The following COL24A1 variants were observed in gnomAD, a reference collection of about 807,000 sequenced individuals.
The protein encoded by COL24A1 is collagen alpha-1(XXIV) chain.
Under a neutral mutation model 253.9 loss-of-function variants are expected in COL24A1, and 224 were observed. The observed-to-expected ratio is 0.88, with a 90% CI of 0.79 to 0.99. The LOEUF is 0.99. Ranked by LOEUF, COL24A1 falls within the 50% of genes least tolerant of loss-of-function variation. The pLI is 0.00. For missense variants in COL24A1, 2,131 were observed against 2,068.5 expected (o/e 1.03, Z -0.59); for synonymous variants, 685 against 673.7 (o/e 1.02, Z -0.26).
rs187786687 is a variant in COL24A1 at position 86,066,275 on chromosome 1, A to G, written c.1708-2516T>C. ...TTTTTTTGAGGCAGAGTCTCGCTCT[A>G]TCCCTCAGGCTGGAGTGCAGTGGCA... On this transcript the variant is annotated intron_variant, in intron 7 of 59. Transcript: ENST00000370571. 7.0e-4 allele frequency among the ~76,000 whole-genome samples: 83 copies of G among 118,118 alleles called. 1 individual carries two copies. In the East Asian group the frequency reaches 7.6e-3, roughly 11 times the overall value. 77.5% of individuals were successfully genotyped at this position (118,118 alleles called of 152,430 possible). A position where few individuals can be genotyped will look rare whatever the true frequency, so the allele number is the denominator to read the frequency against.
At chr1:86,012,518 G>A (rs1423583551) in intron 19 of COL24A1, among the ~76,000 whole-genome samples, 11 of 152,322 alleles carry the variant, frequency 7.2e-5, no homozygotes, top group Admixed American at 1.3e-4. Context: ...GAACCCAGGA[G>A]GCGGAGGTTG....
intron 20 of COL24A1, among the ~76,000 whole-genome samples, chr1:85,984,327 G>T (rs745787577): frequency 1.3e-5 from 2 of 151,744 alleles, no homozygotes; most frequent in African/African-American, 2.4e-5. Context: ...ACCCAGGAGA[G>T]AATCTATTGC....
At chr1:86,083,622 C>T (rs546740778) in intron 7 of COL24A1, among the ~76,000 whole-genome samples, 26 of 152,200 alleles carry the variant, frequency 1.7e-4, no homozygotes, top group Middle Eastern at 3.4e-3. Context: ...AAGGCAACAT[C>T]ACTGAGTGAT....
intron 43 of COL24A1, among the ~76,000 whole-genome samples, chr1:85,826,121 C>G (rs912431545): frequency 1.1e-4 from 15 of 139,106 alleles, no homozygotes; most frequent in African/African-American, 3.9e-4. Flanking sequence ...AGGAAGGGAT[C>G]CAGTTTCAGC....
chr1:85,760,563 GA>G (rs1666751672), intron 55 of COL24A1, among the ~76,000 whole-genome samples: 1 of 152,136 alleles, frequency 6.6e-6, no homozygotes, highest in South Asian at 2.1e-4. Context: ...TAGACCACAG[GA>G]AACCACCACC....
chr1:86,148,001 C>T (rs1015248551), intron 1 of COL24A1, among the ~76,000 whole-genome samples: 1 of 152,048 alleles, frequency 6.6e-6, no homozygotes, highest in Non-Finnish European at 1.5e-5. Flanking sequence ...GGGTGGGGCT[C>T]AAGAATATGC....
At chr1:85,780,174 C>T (rs528965724) in intron 52 of COL24A1, among the ~76,000 whole-genome samples, 1 of 152,248 alleles carries the variant, frequency 6.6e-6, no homozygotes, top group African/African-American at 2.4e-5. Flanking sequence ...CTGAGTTATA[C>T]ATTTTACTTC....
chr1:85,824,199 A>T (rs570836283), intron 43 of COL24A1, among the ~76,000 whole-genome samples: 1 of 152,294 alleles, frequency 6.6e-6, no homozygotes, highest in East Asian at 1.9e-4. Flanking sequence ...CCAGGTGAAG[A>T]CAGAGGCAGA....
At chr1:85,736,606 T>C (rs1276546771) in intron 58 of COL24A1, 1 of 418,588 alleles carries the variant, frequency 2.4e-6, no homozygotes, top group Non-Finnish European at 4.9e-6. Context: ...AAGAGAGGTG[T>C]TTTAGGAGGA....
intron 24 of COL24A1, among the ~76,000 whole-genome samples, chr1:85,945,787 T>C (rs1689271637): frequency 6.6e-6 from 1 of 151,838 alleles, no homozygotes; most frequent in African/African-American, 2.4e-5. Context: ...TCTGAAATGT[T>C]CTTGAGAGGA....
At chr1:86,156,226 A>G in intron 1 of COL24A1, 115 bp downstream of exon 1, 1 of 973,146 alleles carries the variant, frequency 1.0e-6, no homozygotes, top group Non-Finnish European at 1.5e-6. Flanking sequence ...GCCGCTCCTA[A>G]AGCCAAAAAG....
In COL24A1 at chr1:85,861,385, A is replaced by AT. The variant is rs1679132482; in HGVS notation, c.3300+7133dup. 2.6e-5 allele frequency among the ~76,000 whole-genome samples: 4 copies of AT among 152,188 alleles called. No homozygotes were observed. The South Asian group carries it at 8.3e-4, about 32-fold the overall frequency. On this transcript the variant is annotated intron_variant, in intron 37 of 59. Transcript: ENST00000370571. ...CCCTTATCATATATGATTTTCAAATATTTTCTCCTATTATGTGGGTTGATC... is the reference window on the plus strand; with the variant it reads ...CCCTTATCATATATGATTTTCAAATATTTTTCTCCTATTATGTGGGTTGATC...
chr1:85,808,486 T>C (rs1397520688), intron 47 of COL24A1, among the ~76,000 whole-genome samples: 1 of 152,212 alleles, frequency 6.6e-6, no homozygotes, highest in Non-Finnish European at 1.5e-5. Context: ...TTGGAAGCAG[T>C]TTTCTTGCCT....
intron 25 of COL24A1, among the ~76,000 whole-genome samples, chr1:85,910,276 T>G (rs1435592957): frequency 6.6e-6 from 1 of 151,940 alleles, no homozygotes; most frequent in East Asian, 1.9e-4. Context: ...TAAACAAGAC[T>G]TAAAAGTGAG....
chr1:85,736,646 A>C, intron 58 of COL24A1: 1 of 359,094 alleles, frequency 2.8e-6, no homozygotes, highest in Admixed American at 3.5e-5. Flanking sequence ...GCAGCTAAAG[A>C]GATTGAATTT....
rs756663715 is a variant in COL24A1 at position 85,818,093 on chromosome 1, G to A, written c.3790-6C>T. ...CCTTTTTTCCCCTTATTACCCTAAA[G>A]ATGGAAAGCACAGTTGTCAATTGAC... On this transcript the variant is annotated splice_polypyrimidine_tract_variant and splice_region_variant and intron_variant, in intron 45 of 59. Coordinates refer to ENST00000370571, the MANE Select transcript of COL24A1 (RefSeq NM_152890.7). 1 of 1,612,212 alleles carries A rather than the reference G, an allele frequency of 6.2e-7. No homozygotes were observed.
rs1422964214 is a variant in COL24A1 at position 86,115,325 on chromosome 1, C to T, written c.1545G>A (p.Arg515=). 6.2e-7 allele frequency: 1 copy of T among 1,613,684 alleles called. No individual in the cohort carries two copies. Among genetic ancestry groups the T allele is most frequent in the African/African-American group, 1.3e-5 (1 of 74,910 alleles). ...IPGPSGKRGP[R]GIPGPHGNPG... is the part of the protein sequence containing the mutation. ...CAGGAAATATAGCCCATCTACTTAC[C>T]CGTGGACCTCTCTTCCCTGACGGAC... The change falls in exon 4 of 60, where the codon CGG becomes CGA. Residue 515 remains arginine (R), a splice_region_variant and synonymous_variant. Coordinates refer to ENST00000370571, the MANE Select transcript of COL24A1 (RefSeq NM_152890.7).
intron 19 of COL24A1, among the ~76,000 whole-genome samples, chr1:86,005,739 G>GAAAT (rs145164161): frequency 0.18 from 27,572 of 151,830 alleles, 3,166 homozygotes; most frequent in African/African-American, 0.32. Context: ...ACAAGAAAAA[G>GAAAT]AAAAACCATA....
rs1491173763 is a variant in COL24A1 at position 85,997,039 on chromosome 1, A to ATGTGTGTGTG, written c.2311-9386_2311-9385insCACACACACA. Among the ~76,000 whole-genome samples the ATGTGTGTGTG allele has an allele frequency of 1.5e-3, 71 of 48,450 alleles. 2 individuals are homozygous for ATGTGTGTGTG. Among genetic ancestry groups the ATGTGTGTGTG allele is most frequent in the East Asian group, 6.0e-3 (10 of 1,654 alleles). The allele number at this position is 48,450 out of a possible 152,430, so 31.8% of individuals were successfully genotyped here. On this transcript the variant is annotated intron_variant, in intron 19 of 59. Coordinates refer to ENST00000370571, the MANE Select transcript of COL24A1 (RefSeq NM_152890.7). ...TATATGTGTGTGTGTATATATATAT[A>ATGTGTGTGTG]TATGTGTGTGTGTGTGTATATATAT...
Sources: allele counts gnomAD v4.1 joint callset (sites outside exome capture counted in the v4.1 genomes callset), GRCh38; gene constraint gnomAD v4.1.1; transcripts MANE v1.5; gene names NCBI Gene and HGNC (gene_info 2026-07-23, HGNC 2026-07-21).